Variants in CRISPLD1 observed in about 807,000 individuals in gnomAD.
CRISPLD1 encodes cysteine rich secretory protein LCCL domain containing 1, also known as cysteine-rich secretory protein LCCL domain-containing 1.
A neutral mutation model predicts 77.5 loss-of-function variants in CRISPLD1; 60 were observed. The ratio of observed to expected loss-of-function variants is 0.77; its 90% CI spans 0.63 to 0.96. The LOEUF (loss-of-function observed/expected upper bound fraction) is 0.96, where lower values mean the gene tolerates loss of function less well. CRISPLD1 is among the 40% of genes least tolerant of loss of function. The pLI is 0.00. For missense variants in CRISPLD1, 623 were observed against 615.8 expected (o/e 1.01, Z -0.12); for synonymous variants, 195 against 200.1 (o/e 0.97, Z 0.22).
chr8:74,985,750 G>A (rs964194783), intron 1 of CRISPLD1, among the ~76,000 whole-genome samples, 176 bp from the exon 2 acceptor site: 1 of 151,932 alleles, frequency 6.6e-6, no homozygotes, highest in Non-Finnish European at 1.5e-5. Context: ...AAAGTCCTCT[G>A]GAAGAAAAAA....
intron 2 of CRISPLD1, among the ~76,000 whole-genome samples, chr8:75,001,039 T>C (rs1812731622): frequency 6.6e-6 from 1 of 152,140 alleles, no homozygotes; most frequent in Non-Finnish European, 1.5e-5. Context: ...TGATGTGATA[T>C]GTAAAATATT....
rs184433311 is a variant in CRISPLD1 at position 75,009,597 on chromosome 8, A to C, written c.259-2836A>C. On this transcript the variant is annotated intron_variant, in intron 2 of 14. Coordinates refer to ENST00000262207, the MANE Select transcript of CRISPLD1 (RefSeq NM_031461.6). ...GAGATTGATATATTAAAAAAAAAAA[A>C]CCTACAGATAAGTGTAGTTATGTCC... Among the ~76,000 whole-genome samples the C allele has an allele frequency of 5.5e-4, 83 of 150,924 alleles. 1 individual carries two copies. The highest frequency in any genetic ancestry group is 1.8e-3 in the African/African-American group (75 of 40,918).
intron 2 of CRISPLD1, among the ~76,000 whole-genome samples, chr8:74,988,115 C>A (rs1812522377): frequency 6.6e-6 from 1 of 152,088 alleles, no homozygotes; most frequent in Non-Finnish European, 1.5e-5. Flanking sequence ...GTGCATTGCC[C>A]AACTGTAATA....
intron 2 of CRISPLD1, among the ~76,000 whole-genome samples, chr8:74,993,903 C>T (rs1320214097): frequency 6.6e-6 from 1 of 152,164 alleles, no homozygotes; most frequent in East Asian, 1.9e-4. Flanking sequence ...TCCAGACAGC[C>T]AGGGTGCCCA....
intron 12 of CRISPLD1, 99 bp downstream of exon 12, chr8:75,020,178 TTC>T (rs1201661188): frequency 3.2e-6 from 3 of 951,434 alleles, no homozygotes; most frequent in Non-Finnish European, 5.0e-6. Flanking sequence ...AATCTTGAAC[TTC>T]TAAGCAGGAG....
chr8:74,994,106 C>T (rs1812613753), intron 2 of CRISPLD1, among the ~76,000 whole-genome samples: 1 of 152,180 alleles, frequency 6.6e-6, no homozygotes, highest in South Asian at 2.1e-4. Context: ...TGAGAACATA[C>T]TTTAGGCAGT....
Position 75,012,514 on chromosome 8 carries a change from C to G in CRISPLD1, c.340C>G (p.Pro114Ala). 1 of 1,612,698 alleles carries G rather than the reference C, an allele frequency of 6.2e-7. No homozygotes were observed. The highest frequency in any genetic ancestry group is 8.5e-7 in the Non-Finnish European group (1 of 1,179,014). ...GGAACATGGACCTGCAAGCTTGCTT[C>G]CATCAATTGGACAGAATTTGGGAGC... ...LWEHGPASLL[P>A]SIGQNLGAHW... Residue 114 changes from proline to alanine, a missense_variant, in exon 3 of 15, where the codon CCA becomes GCA. By Grantham distance (27) the Pro-to-Ala change is conservative. Transcript: ENST00000262207.
At chr8:75,023,672 A>G (rs1037521306) in intron 12 of CRISPLD1, among the ~76,000 whole-genome samples, 31 of 152,166 alleles carry the variant, frequency 2.0e-4, no homozygotes, top group African/African-American at 7.5e-4. Flanking sequence ...TACTTTTAGG[A>G]AAATTGTTGA....
At chr8:75,005,047 T>C (rs1015357543) in intron 2 of CRISPLD1, among the ~76,000 whole-genome samples, 2 of 152,166 alleles carry the variant, frequency 1.3e-5, no homozygotes, top group Non-Finnish European at 2.9e-5. Flanking sequence ...TCTGCTCTCA[T>C]GGGCTTATAA....
intron 2 of CRISPLD1, among the ~76,000 whole-genome samples, chr8:74,988,231 T>G (rs1196675169): frequency 6.6e-6 from 1 of 152,228 alleles, no homozygotes; most frequent in Non-Finnish European, 1.5e-5. Context: ...TGTAGATCAT[T>G]CTTATAAAAA....
intron 2 of CRISPLD1, among the ~76,000 whole-genome samples, chr8:74,997,119 T>C (rs995372246): frequency 6.6e-6 from 1 of 152,222 alleles, no homozygotes; most frequent in Non-Finnish European, 1.5e-5. Flanking sequence ...CTTGCTCTTA[T>C]TTCCAGTTTC....
chr8:75,032,352 A>G lies in CRISPLD1; in HGVS notation c.*110A>G. ...AGAGTACATCAACTATTTTCAGCCC[A>G]AAAAGGTGCCAAATGCATATAAATC... On this transcript the variant is annotated 3_prime_UTR_variant, in exon 15 of 15. Coordinates refer to ENST00000262207, the MANE Select transcript of CRISPLD1 (RefSeq NM_031461.6). 1.5e-6 allele frequency: 1 copy of G among 654,188 alleles called. No homozygotes were observed. Among genetic ancestry groups the G allele is most frequent in the East Asian group, 3.1e-5 (1 of 32,532 alleles). 40.5% of individuals were successfully genotyped at this position (654,188 alleles called of 1,614,324 possible). A position where few individuals can be genotyped will look rare whatever the true frequency, so the allele number is the denominator to read the frequency against.
At chr8:75,004,648 C>CAA (rs1812798423) in intron 2 of CRISPLD1, among the ~76,000 whole-genome samples, 1 of 151,994 alleles carries the variant, frequency 6.6e-6, no homozygotes. Flanking sequence ...TAGGAAAACA[C>CAA]AAAAGATTTG....
At chr8:75,003,356 ATC>A (rs1183074068) in intron 2 of CRISPLD1, among the ~76,000 whole-genome samples, 1 of 152,126 alleles carries the variant, frequency 6.6e-6, no homozygotes, top group Non-Finnish European at 1.5e-5. Flanking sequence ...CACTTTTTAG[ATC>A]TTTTTTTATT....
At chr8:75,023,879 AT>A (rs1050200047) in intron 12 of CRISPLD1, among the ~76,000 whole-genome samples, 8 of 152,116 alleles carry the variant, frequency 5.3e-5, no homozygotes, top group African/African-American at 1.9e-4. Flanking sequence ...TTGAGAGTAG[AT>A]TTTTTAAAAT....
chr8:74,994,998 A>G (rs192613001), intron 2 of CRISPLD1, among the ~76,000 whole-genome samples: 2 of 152,184 alleles, frequency 1.3e-5, no homozygotes, highest in Admixed American at 6.5e-5. Flanking sequence ...CAGGTATGCC[A>G]TTAGATACAA....
intron 14 of CRISPLD1, among the ~76,000 whole-genome samples, chr8:75,031,040 C>G (rs1813333922): frequency 6.6e-6 from 1 of 151,814 alleles, no homozygotes; most frequent in African/African-American, 2.4e-5. Flanking sequence ...ATGTGTTATT[C>G]CAGTATTTAA....
chr8:74,991,637 T>C (rs1469634246), intron 2 of CRISPLD1, among the ~76,000 whole-genome samples: 2 of 152,198 alleles, frequency 1.3e-5, no homozygotes, highest in African/African-American at 4.8e-5. Flanking sequence ...CTCAAGAGAT[T>C]CTTCTGCCTC....
At chr8:75,031,865 T>A (rs1813354239) in intron 14 of CRISPLD1, among the ~76,000 whole-genome samples, 1 of 151,926 alleles carries the variant, frequency 6.6e-6, no homozygotes, top group South Asian at 2.1e-4. Flanking sequence ...TAACAGCTGC[T>A]GAACTCTGCT....
Sources: gnomAD v4.1 joint callset for allele counts (sites outside exome capture counted in the v4.1 genomes callset) on GRCh38, gnomAD v4.1.1 for gene constraint, MANE v1.5 for transcripts, NCBI Gene and HGNC (gene_info 2026-07-23, HGNC 2026-07-21) for gene names.